RPTOR: variants seen among roughly 807,000 people sequenced by gnomAD.
The protein encoded by RPTOR is regulatory associated protein of MTOR complex 1.
A neutral mutation model predicts 169.9 loss-of-function variants in RPTOR; 21 were observed. That is an observed-to-expected ratio of 0.12 (90% CI 0.09 to 0.18). The LOEUF is 0.18. Ranked by LOEUF, RPTOR falls within the 10% of genes least tolerant of loss-of-function variation. The pLI, the probability that RPTOR is intolerant of heterozygous loss-of-function variation, is 1.00. For synonymous variants in RPTOR, 732 were observed against 753.2 expected, an observed-to-expected ratio of 0.97 and a Z score of 0.46; for missense variants, 1,133 against 1,855.9, an observed-to-expected ratio of 0.61 and a Z score of 7.16.
chr17:80,692,063 C>T lies in RPTOR; in HGVS notation c.349-15778C>T, dbSNP rs79703341. Among the ~76,000 whole-genome samples the T allele has an allele frequency of 4.2e-3, 641 of 152,322 alleles. 6 individuals carry two copies. The highest frequency in any genetic ancestry group is 0.015 in the African/African-American group (622 of 41,552). On this transcript the variant is annotated intron_variant, in intron 3 of 33. Coordinates refer to ENST00000306801, the MANE Select transcript of RPTOR (RefSeq NM_020761.3). ...GAGGCATAGCCGCTGCTGAGGCACTCGCCCTTCCTTCTCAGGTTAGGCACA... is the reference window on the plus strand; with the variant it reads ...GAGGCATAGCCGCTGCTGAGGCACTTGCCCTTCCTTCTCAGGTTAGGCACA...
At chr17:80,634,469 CGTGTGCATACTGTGTGTGCATACTGTGT>C (rs1567830901) in intron 2 of RPTOR, among the ~76,000 whole-genome samples, 3 of 58,284 alleles carry the variant, frequency 5.1e-5, no homozygotes, top group South Asian at 5.7e-4. Flanking sequence ...ATAGTGTGTG[CGTGTGCATACTGTGTGTGCATACTGTGT>C]GTGTGCATAC....
Position 80,831,846 on chromosome 17 carries a change from C to CCTGTGTGTCA in RPTOR, c.1137-6068_1137-6067insCACTGTGTGT, listed in dbSNP as rs1555624314. 3.2e-4 allele frequency among the ~76,000 whole-genome samples: 7 copies of CCTGTGTGTCA among 22,046 alleles called. No individual in the cohort carries two copies. In the East Asian group the frequency reaches 0.045, roughly 143 times the overall value. The allele number at this position is 22,046 out of a possible 152,430, so 14.5% of individuals were successfully genotyped here. A position where few individuals can be genotyped will look rare whatever the true frequency, so the allele number is the denominator to read the frequency against. The stretch of plus-strand genomic sequence containing the variant: ...GTATCCCTGTGTGTCACTGTGTATC[C>CCTGTGTGTCA]CTGTGTGTGCCTGTATGTCACCGTG... On this transcript the variant is annotated intron_variant, in intron 9 of 33. Coordinates refer to ENST00000306801, the MANE Select transcript of RPTOR (RefSeq NM_020761.3).
chr17:80,846,462 T>G lies in RPTOR; in HGVS notation c.1213-11T>G. The G allele has an allele frequency of 6.2e-7, 1 of 1,613,056 alleles. No homozygotes were observed. The highest frequency in any genetic ancestry group is 2.2e-5 in the East Asian group (1 of 44,880). ...TGGCCCTAACAAGCACCTGTTCTGCTTGCCCCGCAGCACAGCCCGTTCTTC... is the reference window on the plus strand; with the variant it reads ...TGGCCCTAACAAGCACCTGTTCTGCGTGCCCCGCAGCACAGCCCGTTCTTC... On this transcript the variant is annotated splice_polypyrimidine_tract_variant and intron_variant, in intron 10 of 33. Coordinates refer to ENST00000306801, the MANE Select transcript of RPTOR (RefSeq NM_020761.3).
intron 1 of RPTOR, among the ~76,000 whole-genome samples, chr17:80,560,579 G>C (rs888921164): frequency 4.6e-5 from 7 of 152,150 alleles, no homozygotes; most frequent in Admixed American, 6.5e-5. Flanking sequence ...ATGGAAGGGA[G>C]TGGGGTGGAA....
intron 28 of RPTOR, among the ~76,000 whole-genome samples, chr17:80,956,222 GAAA>G (rs10536983): frequency 0.025 from 3,620 of 146,544 alleles, 59 homozygotes; most frequent in African/African-American, 0.045. Flanking sequence ...GCTTCTCTAT[GAAA>G]AAAAAAAAAA....
At chr17:80,887,196 G>A (rs1395139469) in intron 17 of RPTOR, among the ~76,000 whole-genome samples, 2 of 151,792 alleles carry the variant, frequency 1.3e-5, no homozygotes, top group African/African-American at 4.8e-5. Flanking sequence ...GACTCCGGAG[G>A]TGCGCTGGCT....
At chr17:80,752,228 C>G (rs540155623) in intron 5 of RPTOR, among the ~76,000 whole-genome samples, 129 of 152,222 alleles carry the variant, frequency 8.5e-4, no homozygotes, top group Non-Finnish European at 1.6e-3. Context: ...TCCCCTCTCC[C>G]CTCTCCCCAC....
chr17:80,855,667 C>T (rs922987603), intron 12 of RPTOR, 120 bp downstream of exon 12: 5 of 759,606 alleles, frequency 6.6e-6, no homozygotes, highest in African/African-American at 3.4e-5. Flanking sequence ...AGACCCAGGG[C>T]GAGTGTGTCC....
At chr17:80,696,200 T>G (rs561223581) in intron 3 of RPTOR, among the ~76,000 whole-genome samples, 2 of 152,338 alleles carry the variant, frequency 1.3e-5, no homozygotes, top group Admixed American at 1.3e-4. Flanking sequence ...TTTTGTTTTT[T>G]CATTAAGAGA....
chr17:80,880,024 C>G (rs746955802), intron 13 of RPTOR, among the ~76,000 whole-genome samples: 2 of 152,154 alleles, frequency 1.3e-5, no homozygotes, highest in African/African-American at 4.8e-5. Context: ...TGAGCGGGAC[C>G]GGGTCTGCAC....
At chr17:80,742,896 A>G (rs1032156017) in intron 5 of RPTOR, among the ~76,000 whole-genome samples, 7 of 152,030 alleles carry the variant, frequency 4.6e-5, no homozygotes, top group Non-Finnish European at 1.0e-4. Flanking sequence ...ACATGCACAC[A>G]TACACACAGG....
At position 80,656,139 on chromosome 17, in the gene RPTOR, C is replaced by T. The variant is rs935199267; in HGVS notation, c.348+12329C>T. ...AGGCTGGGGTGCAGTAGCGCAATCT[C>T]GGCTCACCGCAACCTCTGCCTCCCA... On this transcript the variant is annotated intron_variant, in intron 3 of 33. Transcript: ENST00000306801. Among the ~76,000 whole-genome samples, 6 of 152,152 alleles carry T rather than the reference C, an allele frequency of 3.9e-5. No individual in the cohort carries two copies. In the East Asian group the frequency reaches 7.7e-4, roughly 20 times the overall value.
chr17:80,771,186 C>G (rs2066839586), intron 6 of RPTOR, among the ~76,000 whole-genome samples: 1 of 152,206 alleles, frequency 6.6e-6, no homozygotes. Context: ...GCCAGCCTCT[C>G]TTCCTGCACT....
intron 5 of RPTOR, among the ~76,000 whole-genome samples, chr17:80,750,511 G>A (rs1313350158): frequency 6.6e-6 from 1 of 152,122 alleles, no homozygotes; most frequent in African/African-American, 2.4e-5. Flanking sequence ...CCAAGCGCAG[G>A]AGTCAGCACT....
intron 17 of RPTOR, 50 bp downstream of exon 17, chr17:80,885,198 G>A (rs772629743): frequency 1.0e-5 from 16 of 1,538,162 alleles, no homozygotes; most frequent in Non-Finnish European, 9.6e-6. Context: ...GCTGGACCCC[G>A]TGACACCTGG....
At chr17:80,709,407 G>C (rs540433851) in intron 4 of RPTOR, among the ~76,000 whole-genome samples, 69 of 152,304 alleles carry the variant, frequency 4.5e-4, no homozygotes, top group African/African-American at 1.6e-3. Context: ...TGGAGCCCCC[G>C]GTGTGCTGGC....
intron 28 of RPTOR, among the ~76,000 whole-genome samples, chr17:80,954,110 A>G (rs896796163): frequency 5.3e-5 from 8 of 152,234 alleles, no homozygotes; most frequent in African/African-American, 1.4e-4. Flanking sequence ...ACAGGCGCAC[A>G]CCACTGCAAC....
At chr17:80,612,849 C>G (rs889537434) in intron 1 of RPTOR, among the ~76,000 whole-genome samples, 1 of 152,072 alleles carries the variant, frequency 6.6e-6, no homozygotes, top group Non-Finnish European at 1.5e-5. Context: ...GCCTGGGAGG[C>G]AGAATGAGAC....
intron 5 of RPTOR, among the ~76,000 whole-genome samples, chr17:80,735,671 G>A (rs767717603): frequency 6.4e-4 from 98 of 152,242 alleles, no homozygotes; most frequent in Non-Finnish European, 6.3e-4. Context: ...GGCCAGTAGC[G>A]AGTTGGGCAG....
Sources: allele counts gnomAD v4.1 joint callset (sites outside exome capture counted in the v4.1 genomes callset), GRCh38; gene constraint gnomAD v4.1.1; transcripts MANE v1.5; gene names NCBI Gene and HGNC (gene_info 2026-07-23, HGNC 2026-07-21).